Variants in PTPN18 observed in about 807,000 individuals in gnomAD.
PTPN18 encodes tyrosine-protein phosphatase non-receptor type 18.
In PTPN18, 65 loss-of-function variants were observed where a neutral mutation model predicts 65.4. The ratio of observed to expected loss-of-function variants is 0.99; its 90% CI spans 0.81 to 1.22. PTPN18 has a LOEUF of 1.22. PTPN18 is among the 50% of genes most tolerant of loss of function. The pLI is 0.00. For missense variants in PTPN18, 616 were observed against 646.5 expected, an observed-to-expected ratio of 0.95 and a Z score of 0.51; for synonymous variants, 255 against 267.8, an observed-to-expected ratio of 0.95 and a Z score of 0.47.
rs145583919 is a variant in PTPN18, at chr2:130,360,485, T to C, written c.414+839T>C. ...GATCTGTAGTCTTGTCTCTTTCTCATTCCTGATTTTGGTAATTTGTGTTCT... is the reference window on the plus strand; with the variant it reads ...GATCTGTAGTCTTGTCTCTTTCTCACTCCTGATTTTGGTAATTTGTGTTCT... On this transcript the variant is annotated intron_variant, in intron 5 of 14. Coordinates refer to ENST00000175756, the MANE Select transcript of PTPN18 (RefSeq NM_014369.4). Among the ~76,000 whole-genome samples the C allele has an allele frequency of 5.1e-4, 78 of 152,270 alleles. 1 individual carries two copies. Among genetic ancestry groups the C allele is most frequent in the African/African-American group, 1.6e-3 (68 of 41,546 alleles).
chr2:130,367,219 G>T lies in PTPN18; in HGVS notation c.415-1914G>T, dbSNP rs114944047. On this transcript the variant is annotated intron_variant, in intron 5 of 14. Coordinates refer to ENST00000175756, the MANE Select transcript of PTPN18 (RefSeq NM_014369.4). ...CTAATATTTCTCATAATGCAGATTT[G>T]TTTGTGATGAATTCCCTCAGCTTTC... Among the ~76,000 whole-genome samples, 849 of 151,984 alleles carry T rather than the reference G, an allele frequency of 5.6e-3. 5 individuals are homozygous for T. Among genetic ancestry groups the T allele is most frequent in the African/African-American group, 0.019 (775 of 41,410 alleles).
intron 5 of PTPN18, 96 bp from the exon 6 acceptor site, chr2:130,369,037 C>T (rs1296312934): frequency 9.5e-7 from 1 of 1,052,662 alleles, no homozygotes; most frequent in Admixed American, 2.1e-5. Flanking sequence ...TGTGCTTCCA[C>T]CACGAGCACC....
chr2:130,358,881 C>G lies in PTPN18; in HGVS notation c.108C>G (p.Cys36Trp), dbSNP rs1412222208. ...TGCTCTACCAGGACATCCAGGCCTG[C>G]TCGGCCGCCTGGAAGGCTGACGGCG... is the stretch of plus-strand genomic sequence containing the variant. ...LAGEFSDIQA[C>W]SAAWKADGVC... Residue 36 changes from cysteine (C) to tryptophan (W), a missense_variant, in exon 2 of 15, where the codon TGC becomes TGG. Cys to Trp is a radical substitution (Grantham distance 215). Coordinates refer to ENST00000175756, the MANE Select transcript of PTPN18 (RefSeq NM_014369.4). 6.2e-7 allele frequency: 1 copy of G among 1,613,326 alleles called. No homozygotes were observed. The highest frequency in any genetic ancestry group is 1.3e-5 in the African/African-American group (1 of 75,056).
rs760153993 is a variant in PTPN18, at chr2:130,373,133, C to T, written c.1316-24C>T. On this transcript the variant is annotated intron_variant, in intron 14 of 14. Transcript: ENST00000175756. The surrounding 1 kb of genome is among the most constrained non-coding windows in gnomAD (Gnocchi z 4.1). ...CACACACCTCAGCTTCTCCATGAGA[C>T]CCACGGCACCCTTCTTCTCCCAGGT... 4.5e-6 allele frequency: 7 copies of T among 1,557,458 alleles called. No homozygotes were observed. Among genetic ancestry groups the T allele is most frequent in the Non-Finnish European group, 6.1e-6 (7 of 1,149,996 alleles).
At chr2:130,361,524 T>TTCTTTCTTTCTTTC (rs1680199459) in intron 5 of PTPN18, among the ~76,000 whole-genome samples, 8 of 112,850 alleles carry the variant, frequency 7.1e-5, no homozygotes, top group African/African-American at 3.0e-4. Flanking sequence ...CTTTCTTTCT[T>TTCTTTCTTTCTTTC]TCTTTCTTTC....
chr2:130,372,515 C>T lies in PTPN18; in HGVS notation c.1240+32C>T, dbSNP rs538684856. ...CGAGGCTTGCTCCTTCTCAGGGCATCATCCTGCTGTGATCCGCAGGGCGGA... is the reference window on the plus strand; with the variant it reads ...CGAGGCTTGCTCCTTCTCAGGGCATTATCCTGCTGTGATCCGCAGGGCGGA... On this transcript the variant is annotated intron_variant, in intron 13 of 14. Transcript: ENST00000175756. 103 of 1,387,748 alleles carry T rather than the reference C, an allele frequency of 7.4e-5. No individual in the cohort carries two copies. The African/African-American group carries it at 1.5e-3, about 20-fold the overall frequency. 86.0% of individuals were successfully genotyped at this position (1,387,748 alleles called of 1,614,324 possible).
rs760757567 is a variant in PTPN18 at position 130,372,375 on chromosome 2, ACGGGGG to A, written c.1135_1140del (p.Gly379_Ala380del). 5.3e-6 allele frequency: 7 copies of A among 1,314,262 alleles called. No individual in the cohort carries two copies. The highest frequency in any genetic ancestry group is 1.7e-5 in the African/African-American group (1 of 57,308). 81.4% of individuals were successfully genotyped at this position (1,314,262 alleles called of 1,614,324 possible). On this transcript the variant is annotated inframe_deletion, in exon 13 of 15. Coordinates refer to ENST00000175756, the MANE Select transcript of PTPN18 (RefSeq NM_014369.4). ...GACGCAGACGGGGACGGGGACGGGG[ACGGGGG>A]CGCGCAGCGCGGAGGAGGCGCCGCT...
At chr2:130,366,532 A>G (rs988432068) in intron 5 of PTPN18, among the ~76,000 whole-genome samples, 2 of 152,014 alleles carry the variant, frequency 1.3e-5, no homozygotes, top group Non-Finnish European at 2.9e-5. Flanking sequence ...TTTTGTGTCT[A>G]TGTTTGTGAG....
chr2:130,369,645 TAA>T, intron 6 of PTPN18, 118 bp from the exon 7 acceptor site: 1 of 1,102,616 alleles, frequency 9.1e-7, no homozygotes, highest in Non-Finnish European at 1.3e-6. Flanking sequence ...TATGAATTTT[TAA>T]AATGTTTTCT....
chr2:130,365,325 G>C (rs890051177), intron 5 of PTPN18, among the ~76,000 whole-genome samples: 1 of 152,136 alleles, frequency 6.6e-6, no homozygotes, highest in African/African-American at 2.4e-5. Flanking sequence ...CTAATGAGTG[G>C]GAAGTGGTAC....
chr2:130,372,539 G>A (rs547741008), intron 13 of PTPN18, 56 bp downstream of exon 13: 4 of 1,403,244 alleles, frequency 2.9e-6, no homozygotes, highest in Non-Finnish European at 3.7e-6. Context: ...CCGCAGGGCG[G>A]AACCATCCTG....
chr2:130,369,105 C>G (rs771186162), intron 5 of PTPN18, 28 bp from the exon 6 acceptor site: 2 of 1,588,922 alleles, frequency 1.3e-6, no homozygotes, highest in Non-Finnish European at 1.7e-6. Context: ...CTTCTCACTC[C>G]CTGCCTTTTC....
At chr2:130,365,114 T>C (rs1021458962) in intron 5 of PTPN18, among the ~76,000 whole-genome samples, 2 of 152,248 alleles carry the variant, frequency 1.3e-5, no homozygotes, top group African/African-American at 2.4e-5. Context: ...TATATATTTT[T>C]CATATGGAAA....
intron 5 of PTPN18, 149 bp from the exon 6 acceptor site, chr2:130,368,984 C>T: frequency 1.6e-6 from 1 of 612,008 alleles, no homozygotes. Flanking sequence ...AATCTGATGG[C>T]TCTGTTGGCT....
At chr2:130,357,781 G>A (rs1440188370) in intron 1 of PTPN18, among the ~76,000 whole-genome samples, 1 of 151,296 alleles carries the variant, frequency 6.6e-6, no homozygotes, top group Non-Finnish European at 1.5e-5. Context: ...GCGTGAACCC[G>A]GGAGGCGGAG....
chr2:130,370,152 C>A lies in PTPN18; in HGVS notation c.651C>A (p.Leu217=), dbSNP rs755368201. The A allele has an allele frequency of 6.2e-7, 1 of 1,613,680 alleles. No homozygotes were observed. Among genetic ancestry groups the A allele is most frequent in the South Asian group, 1.1e-5 (1 of 91,086 alleles). The part of the protein sequence containing the change: ...MLAMVEEARR[L]QGSGPEPLCV... The stretch of plus-strand genomic sequence containing the variant: ...CCATGGTGGAGGAAGCCCGTCGCCT[C>A]CAGGGATCTGGCCCTGAACCCCTCT... Residue 217 remains leucine (L), a synonymous_variant, in exon 8 of 15, where the codon CTC becomes CTA. Transcript: ENST00000175756.
intron 13 of PTPN18, 21 bp from the exon 14 acceptor site, chr2:130,372,851 GT>G: frequency 6.2e-7 from 1 of 1,613,184 alleles, no homozygotes; most frequent in South Asian, 1.1e-5. Flanking sequence ...GAGCTGACCC[GT>G]GGGGGGTCTG....
intron 12 of PTPN18, 131 bp from the exon 13 acceptor site, chr2:130,372,126 G>A: frequency 2.4e-6 from 2 of 842,358 alleles, no homozygotes; most frequent in Non-Finnish European, 1.8e-6. Flanking sequence ...CCAACCCAAG[G>A]AGCCCTCCCT....
chr2:130,370,328 G>A (rs1680517361), intron 8 of PTPN18, 138 bp downstream of exon 8: 1 of 1,327,362 alleles, frequency 7.5e-7, no homozygotes, highest in Non-Finnish European at 1.0e-6. Context: ...GACTGTAATT[G>A]TGAGCACTTG....
Sources: gnomAD v4.1 joint callset for allele counts (sites outside exome capture counted in the v4.1 genomes callset) on GRCh38, gnomAD v4.1.1 for gene constraint, Gnocchi (gnomAD v3.1) non-coding constraint, MANE v1.5 for transcripts, NCBI Gene and HGNC (gene_info 2026-07-23, HGNC 2026-07-21) for gene names.